Variants in ZBTB7C observed in about 807,000 individuals in gnomAD.
The protein encoded by ZBTB7C is zinc finger and BTB domain containing 7C.
Under a neutral mutation model 25.7 loss-of-function variants are expected in ZBTB7C, and 8 were observed. That is an observed-to-expected ratio of 0.31 (90% CI 0.18 to 0.56). ZBTB7C has a LOEUF of 0.56. Among genes scored for constraint, ZBTB7C ranks in the 20% least tolerant of loss-of-function variants. ZBTB7C has a pLI of 0.91. For missense variants in ZBTB7C, 824 were observed against 855.2 expected (o/e 0.96, Z 0.46); for synonymous variants, 394 against 369.0 (o/e 1.07, Z -0.78).
chr18:48,163,798 C>T (rs996986942), intron 3 of ZBTB7C, among the ~76,000 whole-genome samples: 1 of 152,166 alleles, frequency 6.6e-6, no homozygotes, highest in Non-Finnish European at 1.5e-5. Context: ...GTCCATTTCA[C>T]GAATGCAAAA....
At chr18:48,339,087 C>G (rs1333292391) in intron 1 of ZBTB7C, among the ~76,000 whole-genome samples, 1 of 152,246 alleles carries the variant, frequency 6.6e-6, no homozygotes, top group African/African-American at 2.4e-5. Context: ...GTGCCTTATG[C>G]TGTGTCAGGA....
rs1354289936 is a variant in ZBTB7C, at chr18:48,178,993, T to C, written c.-17+6941A>G. Among the ~76,000 whole-genome samples, 3 of 152,172 alleles carry C rather than the reference T, an allele frequency of 2.0e-5. No individual in the cohort carries two copies. In the East Asian group the frequency reaches 5.8e-4, roughly 29 times the overall value. On this transcript the variant is annotated intron_variant, in intron 3 of 4. Transcript: ENST00000590800. ...CCAGGAGTGTGGCTTCTCATATTCA[T>C]TGATTTTGAAGTGGGTGGAGGGGAC... is the stretch of plus-strand genomic sequence containing the variant.
intron 2 of ZBTB7C, among the ~76,000 whole-genome samples, chr18:48,213,900 G>A (rs1378996249): frequency 6.6e-6 from 1 of 152,194 alleles, no homozygotes; most frequent in African/African-American, 2.4e-5. Context: ...ATGTAGGGCT[G>A]GGATGAAAAA....
At chr18:48,179,674 T>TCCTC (rs1326080213) in intron 3 of ZBTB7C, among the ~76,000 whole-genome samples, 12 of 15,528 alleles carry the variant, frequency 7.7e-4, no homozygotes, top group African/African-American at 1.7e-3. Flanking sequence ...TATTTCTCTC[T>TCCTC]CCTTCCTTCC....
At chr18:48,184,782 G>T (rs906404645) in intron 3 of ZBTB7C, among the ~76,000 whole-genome samples, 2 of 151,604 alleles carry the variant, frequency 1.3e-5, no homozygotes, top group Non-Finnish European at 2.9e-5. Flanking sequence ...GCCTCACAGG[G>T]CTCTGGTGGC....
intron 3 of ZBTB7C, among the ~76,000 whole-genome samples, chr18:48,173,932 G>A (rs4940307): frequency 0.76 from 115,181 of 152,170 alleles, 44,395 homozygotes; most frequent in African/African-American, 0.84. Flanking sequence ...GCTTGCTCCA[G>A]CTTCCAAATT....
intron 1 of ZBTB7C, among the ~76,000 whole-genome samples, chr18:48,387,775 G>GT (rs1474812804): frequency 6.6e-6 from 1 of 152,170 alleles, no homozygotes; most frequent in Non-Finnish European, 1.5e-5. Context: ...AAAAAGCATG[G>GT]TTTTCGCCCT....
chr18:48,353,113 A>G (rs979342023), intron 1 of ZBTB7C, among the ~76,000 whole-genome samples: 5 of 152,224 alleles, frequency 3.3e-5, no homozygotes, highest in African/African-American at 9.6e-5. Flanking sequence ...CAGCCTGTAT[A>G]GGGCTTTCCT....
At chr18:48,331,417 G>A (rs923006887) in intron 2 of ZBTB7C, among the ~76,000 whole-genome samples, 4 of 152,210 alleles carry the variant, frequency 2.6e-5, no homozygotes, top group African/African-American at 9.6e-5. Context: ...TGGAATCTGA[G>A]TGGCTGCCCA....
intron 3 of ZBTB7C, among the ~76,000 whole-genome samples, chr18:48,164,780 G>A (rs1330394173): frequency 1.3e-5 from 2 of 152,098 alleles, no homozygotes; most frequent in Non-Finnish European, 2.9e-5. Flanking sequence ...GCACTTGGAA[G>A]GAGCTCCAGA....
intron 3 of ZBTB7C, among the ~76,000 whole-genome samples, chr18:48,066,234 C>T (rs931704388): frequency 1.3e-5 from 2 of 152,182 alleles, no homozygotes; most frequent in Non-Finnish European, 2.9e-5. Context: ...TCTCTAGAGC[C>T]CCTATCTGCC....
chr18:48,387,453 C>T (rs974417545), intron 1 of ZBTB7C, among the ~76,000 whole-genome samples: 7 of 152,188 alleles, frequency 4.6e-5, no homozygotes, highest in East Asian at 1.9e-4. Context: ...CTGGAAAACA[C>T]GGTCATCTGA....
intron 3 of ZBTB7C, among the ~76,000 whole-genome samples, chr18:48,046,473 C>T (rs2036473656): frequency 6.6e-6 from 1 of 152,210 alleles, no homozygotes; most frequent in South Asian, 2.1e-4. Context: ...AAGCCAAAGT[C>T]AGTAAAACCC....
At chr18:48,207,549 A>G (rs957279681) in intron 2 of ZBTB7C, among the ~76,000 whole-genome samples, 1 of 152,000 alleles carries the variant, frequency 6.6e-6, no homozygotes, top group Non-Finnish European at 1.5e-5. Context: ...ATCATCTATC[A>G]TCTATCTATC....
chr18:48,209,458 T>G (rs576862470), intron 2 of ZBTB7C, among the ~76,000 whole-genome samples: 7 of 152,326 alleles, frequency 4.6e-5, no homozygotes, highest in Admixed American at 3.9e-4. Context: ...AAAATTTATT[T>G]TAAAATGCGA....
chr18:48,123,116 G>T (rs939360474), intron 3 of ZBTB7C, among the ~76,000 whole-genome samples: 1 of 152,178 alleles, frequency 6.6e-6, no homozygotes, highest in Non-Finnish European at 1.5e-5. Context: ...GAGCAAGCAA[G>T]CCTGATGCCT....
intron 1 of ZBTB7C, among the ~76,000 whole-genome samples, chr18:48,372,881 G>A (rs2047421035): frequency 6.6e-6 from 1 of 152,034 alleles, no homozygotes; most frequent in African/African-American, 2.4e-5. Context: ...TATGTGTCTG[G>A]CAAACTGGCA....
intron 2 of ZBTB7C, among the ~76,000 whole-genome samples, chr18:48,197,746 C>A (rs2042349833): frequency 6.6e-6 from 1 of 152,188 alleles, no homozygotes; most frequent in African/African-American, 2.4e-5. Flanking sequence ...ACACTCATCC[C>A]ATGGGATCAG....
chr18:48,124,516 G>A (rs1041466000), intron 3 of ZBTB7C, among the ~76,000 whole-genome samples: 1 of 152,214 alleles, frequency 6.6e-6, no homozygotes, highest in Admixed American at 6.5e-5. Context: ...CCAGCTGGAA[G>A]GGGGTGGGGT....
Sources: gnomAD v4.1 joint callset for allele counts (sites outside exome capture counted in the v4.1 genomes callset) on GRCh38, gnomAD v4.1.1 for gene constraint, MANE v1.5 for transcripts, NCBI Gene and HGNC (gene_info 2026-07-23, HGNC 2026-07-21) for gene names.